The following LTBP1 variants were observed in gnomAD, a reference collection of about 807,000 sequenced individuals.
The protein encoded by LTBP1 is latent-transforming growth factor beta-binding protein 1.
In LTBP1, 129 loss-of-function variants were observed where a neutral mutation model predicts 207.6. The observed-to-expected ratio is 0.62, with a 90% CI of 0.54 to 0.72. The LOEUF (loss-of-function observed/expected upper bound fraction) is 0.72. LTBP1 is among the 30% of genes least tolerant of loss of function. The pLI, the probability that LTBP1 is intolerant of heterozygous loss-of-function variation, is 0.00. For synonymous variants in LTBP1, 963 were observed against 833.7 expected (o/e 1.16, Z -2.67); for missense variants, 2,281 against 2,217.2 (o/e 1.03, Z -0.58).
intron 31 of LTBP1, among the ~76,000 whole-genome samples, chr2:33,376,300 A>G (rs1187334895): frequency 6.6e-6 from 1 of 152,236 alleles, no homozygotes; most frequent in East Asian, 1.9e-4. Context: ...CTCTGATGAT[A>G]TGATTCTCTT....
intron 26 of LTBP1, among the ~76,000 whole-genome samples, chr2:33,357,536 A>G (rs1378524091): frequency 6.6e-6 from 1 of 152,160 alleles, no homozygotes; most frequent in African/African-American, 2.4e-5. Flanking sequence ...AGGATGCTGT[A>G]TTTACCAGCA....
intron 4 of LTBP1, among the ~76,000 whole-genome samples, chr2:33,122,266 A>C (rs541512019): frequency 3.9e-5 from 6 of 152,324 alleles, no homozygotes; most frequent in African/African-American, 1.4e-4. Flanking sequence ...CTCCCTTGAA[A>C]TGTGTTGTTT....
At chr2:33,162,471 C>G (rs2084552322) in intron 5 of LTBP1, among the ~76,000 whole-genome samples, 2 of 152,164 alleles carry the variant, frequency 1.3e-5, no homozygotes, top group African/African-American at 4.8e-5. Flanking sequence ...CAACTCTGAA[C>G]ATTTTTATGC....
At chr2:33,068,270 A>C (rs746022056) in intron 3 of LTBP1, among the ~76,000 whole-genome samples, 1 of 150,892 alleles carries the variant, frequency 6.6e-6, no homozygotes, top group Non-Finnish European at 1.5e-5. Flanking sequence ...TTTTTTTTTT[A>C]AACAATAAAC....
At chr2:33,288,164 A>G (rs1408056166) in intron 19 of LTBP1, among the ~76,000 whole-genome samples, 8 of 152,190 alleles carry the variant, frequency 5.3e-5, no homozygotes, top group African/African-American at 1.7e-4. Flanking sequence ...CTATGTTGAC[A>G]TACTCATCTC....
intron 8 of LTBP1, among the ~76,000 whole-genome samples, chr2:33,220,958 C>A (rs557180607): frequency 6.6e-6 from 1 of 152,346 alleles, no homozygotes; most frequent in African/African-American, 2.4e-5. Flanking sequence ...TTAGTGGTGA[C>A]AGATAAAGAG....
intron 2 of LTBP1, among the ~76,000 whole-genome samples, chr2:32,955,259 A>G (rs1306921552): frequency 2.6e-5 from 4 of 152,246 alleles, no homozygotes; most frequent in Non-Finnish European, 5.9e-5. Flanking sequence ...CCCTCTAAAC[A>G]TTGGGATAGC....
intron 18 of LTBP1, among the ~76,000 whole-genome samples, chr2:33,277,657 G>A (rs907210864): frequency 2.6e-5 from 4 of 151,570 alleles, no homozygotes; most frequent in South Asian, 2.1e-4. Flanking sequence ...CTGTAGTTGC[G>A]GGGAGTGCTT....
At chr2:33,037,346 A>C (rs564437144) in intron 3 of LTBP1, among the ~76,000 whole-genome samples, 4 of 152,294 alleles carry the variant, frequency 2.6e-5, no homozygotes, top group Admixed American at 6.5e-5. Flanking sequence ...AAGGTGTAAT[A>C]ATCATCTGTG....
intron 5 of LTBP1, among the ~76,000 whole-genome samples, chr2:33,139,761 C>G (rs543498302): frequency 2.7e-4 from 41 of 152,182 alleles, no homozygotes; most frequent in African/African-American, 7.9e-4. Context: ...AAGAATTTAC[C>G]CCCCTAGAAT....
chr2:33,338,236 G>A (rs2094575443), intron 24 of LTBP1, among the ~76,000 whole-genome samples: 1 of 152,004 alleles, frequency 6.6e-6, no homozygotes, highest in African/African-American at 2.4e-5. Context: ...AACTTTCTCG[G>A]TTAATCACTG....
At chr2:33,222,244 G>A (rs1231810286) in intron 9 of LTBP1, 93 bp downstream of exon 9, 6 of 856,670 alleles carry the variant, frequency 7.0e-6, no homozygotes, top group Non-Finnish European at 1.2e-5. Context: ...CATTCGCCCA[G>A]CCTGTCACAG....
At chr2:33,282,032 A>C (rs1273532636) in intron 19 of LTBP1, among the ~76,000 whole-genome samples, 1 of 148,612 alleles carries the variant, frequency 6.7e-6, no homozygotes, top group Non-Finnish European at 1.5e-5. Context: ...AATATAAATA[A>C]TACTAAATGA....
chr2:33,387,588 C>A (rs1379449144), intron 31 of LTBP1, among the ~76,000 whole-genome samples: 1 of 152,220 alleles, frequency 6.6e-6, no homozygotes, highest in Non-Finnish European at 1.5e-5. Context: ...TGGCCTCACG[C>A]TTGCTTTGGG....
chr2:32,990,399 G>A (rs1405409260), intron 2 of LTBP1, among the ~76,000 whole-genome samples: 1 of 152,172 alleles, frequency 6.6e-6, no homozygotes, highest in Non-Finnish European at 1.5e-5. Context: ...TTTTTTTAAT[G>A]TAATGTTAGT....
At chr2:33,293,993 G>GTTTTTT (rs1333586466) in intron 20 of LTBP1, among the ~76,000 whole-genome samples, 5 of 83,112 alleles carry the variant, frequency 6.0e-5, no homozygotes, top group African/African-American at 1.9e-4. Context: ...ACTGGTACAG[G>GTTTTTT]TCTTTTTTTT....
intron 24 of LTBP1, among the ~76,000 whole-genome samples, chr2:33,318,382 A>G (rs1180564573): frequency 1.3e-5 from 2 of 152,130 alleles, no homozygotes; most frequent in Admixed American, 6.5e-5. Flanking sequence ...CTGAGTTCCT[A>G]TCTGGTTCCA....
chr2:33,280,149 C>T lies in LTBP1; in HGVS notation c.3103C>T (p.Gln1035Ter), dbSNP rs537388349. The change falls in exon 19 of 34, where the codon CAG (glutamine) becomes TAG (stop). Residue 1035 changes from glutamine (Q) to a stop codon, truncating the protein, a stop_gained. Coordinates refer to ENST00000404816, the MANE Select transcript of LTBP1 (RefSeq NM_206943.4). LOFTEE classifies it high-confidence loss of function. The part of the protein sequence containing the change: ...CTEGFRGWNG[Q>*]CLDVDECLEP... ...AGAAGGATTCCGAGGCTGGAATGGACAGTGCCTTGGTAGGTACTATAGTGT... is the reference window on the plus strand; with the variant it reads ...AGAAGGATTCCGAGGCTGGAATGGATAGTGCCTTGGTAGGTACTATAGTGT... 1 of 1,614,042 alleles carries T rather than the reference C, an allele frequency of 6.2e-7. No homozygotes were observed. The highest frequency in any genetic ancestry group is 1.1e-5 in the South Asian group (1 of 91,058).
chr2:33,391,556 C>T (rs2095314626), intron 32 of LTBP1, among the ~76,000 whole-genome samples: 1 of 152,196 alleles, frequency 6.6e-6, no homozygotes, highest in Non-Finnish European at 1.5e-5. Flanking sequence ...TGGCTTACAG[C>T]TTTCCTCCCT....
Sources: allele counts gnomAD v4.1 joint callset (sites outside exome capture counted in the v4.1 genomes callset), GRCh38; gene constraint gnomAD v4.1.1; transcripts MANE v1.5; gene names NCBI Gene and HGNC (gene_info 2026-07-23, HGNC 2026-07-21).